Variants in ASIC2 observed in about 807,000 individuals in gnomAD.
ASIC2 encodes acid-sensing ion channel 2.
Under a neutral mutation model 57.3 loss-of-function variants are expected in ASIC2, and 25 were observed. The ratio of observed to expected loss-of-function variants is 0.44; its 90% CI spans 0.32 to 0.61. The LOEUF (loss-of-function observed/expected upper bound fraction) is 0.61. Among genes scored for constraint, ASIC2 ranks in the 20% least tolerant of loss-of-function variants. The pLI is 0.06. For missense variants in ASIC2, 641 were observed against 738.1 expected (o/e 0.87, Z 1.52); for synonymous variants, 319 against 307.5 (o/e 1.04, Z -0.39).
intron 1 of ASIC2, among the ~76,000 whole-genome samples, chr17:33,992,406 T>C (rs1754371042): frequency 6.6e-6 from 1 of 152,162 alleles, no homozygotes; most frequent in African/African-American, 2.4e-5. Flanking sequence ...TCGTGAGCAA[T>C]TCATTCATCG....
At chr17:33,020,732 C>T (rs2091832059) in intron 7 of ASIC2, among the ~76,000 whole-genome samples, 2 of 152,304 alleles carry the variant, frequency 1.3e-5, no homozygotes, top group East Asian at 3.9e-4. Context: ...GGGGCAACAC[C>T]TGGCCTTCTG....
In ASIC2 at chr17:33,291,826, A is replaced by G. The variant is rs1010686510; in HGVS notation, c.290T>C (p.Phe97Ser). Residue 97 changes from phenylalanine (F) to serine (S), a missense_variant, in exon 1 of 10, where the codon TTC becomes TCC. Physicochemically the swap from Phe to Ser is radical, Grantham distance 155 (BLOSUM62 -2). This residue lies in a region of ASIC2 where 382 missense variants were observed against 398.0 expected (regional missense o/e 0.96). Transcript: ENST00000225823. ...ALWVLAFCTSFGLLLSWSSNR... is the reference protein window; with the variant it reads ...ALWVLAFCTSSGLLLSWSSNR... ...CGAGGACCAGGACAGCAGCAAGCCG[A>G]AGGATGTACAGAAGGCCAGCACCCA... The G allele has an allele frequency of 6.8e-6, 11 of 1,611,990 alleles. No individual in the cohort carries two copies. Among genetic ancestry groups the G allele is most frequent in the Admixed American group, 3.3e-5 (2 of 59,986 alleles).
At chr17:33,852,029 T>G (rs1397241934) in intron 1 of ASIC2, among the ~76,000 whole-genome samples, 1 of 152,234 alleles carries the variant, frequency 6.6e-6, no homozygotes, top group Non-Finnish European at 1.5e-5. Flanking sequence ...CAGGCTGTAC[T>G]CAGTGACTCA....
At chr17:33,853,246 G>C (rs1183105593) in intron 1 of ASIC2, among the ~76,000 whole-genome samples, 2 of 152,150 alleles carry the variant, frequency 1.3e-5, no homozygotes, top group African/African-American at 4.8e-5. Context: ...GGGGAGGTGG[G>C]GATGGTAGTA....
At chr17:33,481,727 T>G (rs560460410) in intron 1 of ASIC2, among the ~76,000 whole-genome samples, 1 of 152,284 alleles carries the variant, frequency 6.6e-6, no homozygotes, top group African/African-American at 2.4e-5. Flanking sequence ...AAAACCACAG[T>G]GAAAACCTCT....
intron 1 of ASIC2, among the ~76,000 whole-genome samples, chr17:34,051,249 C>T (rs943543586): frequency 3.9e-5 from 6 of 152,186 alleles, no homozygotes; most frequent in African/African-American, 1.4e-4. Flanking sequence ...ATCCTCTTAG[C>T]TCATCTCCCT....
chr17:34,106,500 T>C (rs1346761087), intron 1 of ASIC2, among the ~76,000 whole-genome samples: 1 of 152,166 alleles, frequency 6.6e-6, no homozygotes, highest in Non-Finnish European at 1.5e-5. Context: ...TCCCCTCTCC[T>C]GTATGTCTGC....
At chr17:33,402,152 A>C (rs568532826) in intron 1 of ASIC2, among the ~76,000 whole-genome samples, 23 of 152,232 alleles carry the variant, frequency 1.5e-4, no homozygotes, top group Non-Finnish European at 3.1e-4. Flanking sequence ...GCTGGAGCTG[A>C]GGGGTTAGAT....
At chr17:34,140,022 G>C (rs1912230357) in intron 1 of ASIC2, among the ~76,000 whole-genome samples, 1 of 152,196 alleles carries the variant, frequency 6.6e-6, no homozygotes, top group African/African-American at 2.4e-5. Flanking sequence ...AATCTTGATT[G>C]TATCTTCAAT....
chr17:33,451,791 A>C (rs1490162176), intron 1 of ASIC2, among the ~76,000 whole-genome samples: 1 of 152,090 alleles, frequency 6.6e-6, no homozygotes, highest in Non-Finnish European at 1.5e-5. Flanking sequence ...TCAGGACCTG[A>C]CCTAGTTTGT....
intron 1 of ASIC2, among the ~76,000 whole-genome samples, chr17:33,711,860 C>G (rs895558856): frequency 6.6e-6 from 1 of 152,282 alleles, no homozygotes; most frequent in African/African-American, 2.4e-5. Flanking sequence ...GACACAAAAT[C>G]AAATCATATC....
intron 1 of ASIC2, among the ~76,000 whole-genome samples, chr17:33,310,311 T>G (rs1381085890): frequency 1.3e-5 from 2 of 152,068 alleles, no homozygotes; most frequent in African/African-American, 2.4e-5. Context: ...ACTCTGTGCC[T>G]TTGTCTCTCC....
At chr17:33,203,438 G>A (rs747765420) in intron 1 of ASIC2, among the ~76,000 whole-genome samples, 1 of 152,136 alleles carries the variant, frequency 6.6e-6, no homozygotes, top group Admixed American at 6.5e-5. Context: ...CTGGACCTCT[G>A]TAGAATGATG....
intron 1 of ASIC2, chr17:34,082,119 A>G (rs1340881621): frequency 1.3e-5 from 2 of 152,180 alleles, no homozygotes; most frequent in Non-Finnish European, 2.9e-5. Context: ...AGCATGCTTA[A>G]AGGTCTTTCT....
At chr17:33,788,731 A>G (rs1202757905) in intron 1 of ASIC2, among the ~76,000 whole-genome samples, 1 of 152,220 alleles carries the variant, frequency 6.6e-6, no homozygotes, top group Non-Finnish European at 1.5e-5. Context: ...ATAAAAAGGA[A>G]TGAGATCATG....
chr17:33,359,741 T>G (rs998433014), intron 1 of ASIC2, among the ~76,000 whole-genome samples: 5 of 152,198 alleles, frequency 3.3e-5, no homozygotes, highest in African/African-American at 1.2e-4. Flanking sequence ...GGGCACCTTT[T>G]TGCCTTCCCT....
intron 1 of ASIC2, among the ~76,000 whole-genome samples, chr17:34,054,855 C>T (rs181276467): frequency 6.6e-6 from 1 of 152,254 alleles, no homozygotes; most frequent in Non-Finnish European, 1.5e-5. Context: ...TTATGCATGC[C>T]TTCATAGTCT....
At chr17:33,826,530 C>A (rs534119675) in intron 1 of ASIC2, among the ~76,000 whole-genome samples, 2 of 152,254 alleles carry the variant, frequency 1.3e-5, no homozygotes, top group Non-Finnish European at 1.5e-5. Context: ...GGAACGTTGG[C>A]GATCACGTAG....
chr17:33,602,505 C>A (rs977423297), intron 1 of ASIC2, among the ~76,000 whole-genome samples: 3 of 152,194 alleles, frequency 2.0e-5, no homozygotes, highest in African/African-American at 7.2e-5. Flanking sequence ...GCCCCTCAAT[C>A]TTGGACTTTC....
Sources: gnomAD v4.1 joint callset for allele counts (sites outside exome capture counted in the v4.1 genomes callset) on GRCh38, gnomAD v4.1.1 for gene constraint, gnomAD v4.1.1 regional missense constraint, MANE v1.5 for transcripts, NCBI Gene and HGNC (gene_info 2026-07-23, HGNC 2026-07-21) for gene names.